Variants in KLK5 observed in about 807,000 individuals in gnomAD.
The protein encoded by KLK5 is kallikrein-5.
In KLK5, 18 loss-of-function variants were observed where a neutral mutation model predicts 24.0. That is an observed-to-expected ratio of 0.75 (90% CI 0.52 to 1.11). KLK5 has a LOEUF of 1.11. KLK5 is among the 50% of genes most tolerant of loss of function. The pLI is 0.00. For synonymous variants in KLK5, 140 were observed against 154.0 expected, an observed-to-expected ratio of 0.91 and a Z score of 0.67; for missense variants, 374 against 379.2, an observed-to-expected ratio of 0.99 and a Z score of 0.11.
chr19:50,943,771 G>GC lies in KLK5; in HGVS notation c.741dup (p.Pro248AlafsTer87), dbSNP rs759781166. On this transcript the variant is annotated frameshift_variant, in exon 6 of 6. Transcript: ENST00000336334. LOFTEE classifies it low-confidence loss of function (END_TRUNC). ...TGCAGGGAGCCATTGCAGACCACAG[G>GC]CCCCCCAGAATCACCCTGCAGGAGA... The GC allele has an allele frequency of 2.5e-6, 4 of 1,612,980 alleles. No homozygotes were observed. Among genetic ancestry groups the GC allele is most frequent in the Admixed American group, 1.7e-5 (1 of 59,928 alleles).
chr19:50,948,890 C>CACCA lies in KLK5; in HGVS notation c.557_560dup (p.Ser188GlyfsTer16). 1 of 1,614,100 alleles carries CACCA rather than the reference C, an allele frequency of 6.2e-7. No homozygotes were observed. Among genetic ancestry groups the CACCA allele is most frequent in the Non-Finnish European group, 8.5e-7 (1 of 1,180,020 alleles). ...GGCTCTTGGTTGTCCCCCAGCCAGA[C>CACCA]ACCAAGCACTTTGTCCCAGCAGAGG... On this transcript the variant is annotated frameshift_variant, in exon 4 of 6. Transcript: ENST00000336334. LOFTEE classifies it high-confidence loss of function.
intron 2 of KLK5, among the ~76,000 whole-genome samples, chr19:50,952,010 C>T (rs1215349537): frequency 6.6e-6 from 1 of 152,056 alleles, no homozygotes; most frequent in East Asian, 1.9e-4. Flanking sequence ...CACACAGTCA[C>T]ATACAGTCAC....
chr19:50,944,955 CCT>C (rs1279195839), intron 5 of KLK5, among the ~76,000 whole-genome samples: 1 of 151,898 alleles, frequency 6.6e-6, no homozygotes, highest in South Asian at 2.1e-4. Flanking sequence ...TTCCTTCCTT[CCT>C]CTCTCTTTTC....
At position 50,948,670 on chromosome 19, in the gene KLK5, G is replaced by A. The variant is rs140583552; in HGVS notation, c.696C>T (p.Ala232=). 3.1e-5 allele frequency: 50 copies of A among 1,613,992 alleles called. No individual in the cohort carries two copies. The highest frequency in any genetic ancestry group is 6.7e-5 in the African/African-American group (5 of 74,896). Residue 232 remains alanine, a synonymous_variant, in exon 5 of 6, where the codon GCC becomes GCT. Transcript: ENST00000336334. ...AGGAGTCTCTACCTGCTTTGTCACC[G>A]GCGCAGAACATGGTGTCATCTATCT... The part of the protein sequence containing the change: ...PRQIDDTMFC[A]GDKAGRDSCQ...
In KLK5 at chr19:50,943,641, G is replaced by T; in HGVS notation, c.872C>A (p.Ala291Asp). ...GAGTCCTGGGATGACTCAGGAGTTG[G>T]CCTGGATGGTTTCCTGGATCCACTT... Reference protein sequence around the residue: ...FTKWIQETIQANS With the variant: ...FTKWIQETIQDNS The change falls in exon 6 of 6, where the codon GCC becomes GAC. Residue 291 changes from alanine (A) to aspartate (D), a missense_variant. Coordinates refer to ENST00000336334, the MANE Select transcript of KLK5 (RefSeq NM_012427.5). 1 of 1,613,856 alleles carries T rather than the reference G, an allele frequency of 6.2e-7. No homozygotes were observed. The highest frequency in any genetic ancestry group is 8.5e-7 in the Non-Finnish European group (1 of 1,179,862).
At chr19:50,946,204 CAG>C (rs1291851416) in intron 5 of KLK5, among the ~76,000 whole-genome samples, 3 of 152,194 alleles carry the variant, frequency 2.0e-5, no homozygotes, top group African/African-American at 7.2e-5. Flanking sequence ...AATATCTCTG[CAG>C]AGTTTCTTTT....
At chr19:50,950,395 T>C (rs989404381) in intron 2 of KLK5, 9 of 493,698 alleles carry the variant, frequency 1.8e-5, no homozygotes, top group South Asian at 6.6e-5. Context: ...ACAGGATTCC[T>C]GGACAAGCTC....
At position 50,952,571 on chromosome 19, in the gene KLK5, A is replaced by G. The variant is rs1398005099; in HGVS notation, c.73+14T>C. On this transcript the variant is annotated intron_variant, in intron 2 of 5. Transcript: ENST00000336334. ...CCCAATCCCACAACCCTCCCACCCC[A>G]GAGTTCTGGTTACCTGTGACCCCCA... The G allele has an allele frequency of 2.0e-6, 3 of 1,522,044 alleles. No homozygotes were observed. The highest frequency in any genetic ancestry group is 1.7e-5 in the Admixed American group (1 of 57,192). 94.3% of individuals were successfully genotyped at this position (1,522,044 alleles called of 1,614,324 possible).
At chr19:50,952,689 G>T in intron 1 of KLK5, 21 bp from the exon 2 acceptor site, 1 of 1,557,264 alleles carries the variant, frequency 6.4e-7, no homozygotes, top group South Asian at 1.2e-5. Context: ...AATGTCAGAG[G>T]GTTGGGAGGC....
intron 2 of KLK5, 30 bp from the exon 3 acceptor site, chr19:50,950,146 TCA>T: frequency 6.7e-7 from 1 of 1,487,208 alleles, no homozygotes; most frequent in Non-Finnish European, 9.3e-7. Flanking sequence ...TGGGCGGGGC[TCA>T]GAGGCGGGGC....
At chr19:50,950,553 G>A (rs1176262805) in intron 2 of KLK5, among the ~76,000 whole-genome samples, 1 of 151,936 alleles carries the variant, frequency 6.6e-6, no homozygotes, top group African/African-American at 2.4e-5. Flanking sequence ...AATTGACTTA[G>A]TTAGGGCCAG....
At chr19:50,950,584 G>A (rs1304110656) in intron 2 of KLK5, among the ~76,000 whole-genome samples, 1 of 151,982 alleles carries the variant, frequency 6.6e-6, no homozygotes, top group African/African-American at 2.4e-5. Context: ...ACATGTTAGA[G>A]TCTCCTATAA....
chr19:50,949,794 T>TC, intron 3 of KLK5, 61 bp downstream of exon 3: 13 of 109,232 alleles, frequency 1.2e-4, no homozygotes, highest in Admixed American at 1.6e-4. Flanking sequence ...CACCCCCACT[T>TC]CCCCACCCCC....
In KLK5 at chr19:50,949,678, T is replaced by G. The variant is rs1049216189; in HGVS notation, c.335+177A>C. 8.4e-5 allele frequency among the ~76,000 whole-genome samples: 11 copies of G among 130,326 alleles called. No individual in the cohort carries two copies. In the Admixed American group the frequency reaches 8.9e-4, roughly 11 times the overall value. 85.5% of individuals were successfully genotyped at this position (130,326 alleles called of 152,430 possible). Reference sequence around the variant, plus strand: ...CCTTAGTCCTATCCCCAACTCGACCTCCTCCTGCTCCCACATCCCCAACCC... The same window carrying G: ...CCTTAGTCCTATCCCCAACTCGACCGCCTCCTGCTCCCACATCCCCAACCC... On this transcript the variant is annotated intron_variant, in intron 3 of 5. Coordinates refer to ENST00000336334, the MANE Select transcript of KLK5 (RefSeq NM_012427.5).
chr19:50,946,714 C>T (rs965563846), intron 5 of KLK5, among the ~76,000 whole-genome samples: 2 of 152,048 alleles, frequency 1.3e-5, no homozygotes, highest in South Asian at 2.1e-4. Flanking sequence ...CGCCTGCCAC[C>T]ACGCCCGGCT....
intron 5 of KLK5, among the ~76,000 whole-genome samples, chr19:50,945,324 T>C (rs1301395462): frequency 6.6e-6 from 1 of 151,456 alleles, no homozygotes; most frequent in Non-Finnish European, 1.5e-5. Context: ...CTTTATTGCC[T>C]GTCTTCCACT....
intron 2 of KLK5, 111 bp downstream of exon 2, chr19:50,952,474 G>T: frequency 1.5e-6 from 1 of 666,830 alleles, no homozygotes; most frequent in Non-Finnish European, 2.4e-6. Context: ...ACATTCACCC[G>T]GTCCCGGAGT....
In KLK5 at chr19:50,948,961, G is replaced by A. The variant is rs748294116; in HGVS notation, c.490C>T (p.Arg164Cys). ...ATGGGTCTGACATCTTTAGTGGGAC[G>A]AATTCTTCTGTTCAGTTTGATGAGC... ...LMLIKLNRRI[R>C]PTKDVRPINV... The change falls in exon 4 of 6, where the codon CGT becomes TGT. Residue 164 changes from arginine to cysteine, a missense_variant. Transcript: ENST00000336334. 8.7e-6 allele frequency: 14 copies of A among 1,613,908 alleles called. No homozygotes were observed. The highest frequency in any genetic ancestry group is 1.3e-5 in the African/African-American group (1 of 74,860).
Position 50,952,625 on chromosome 19 carries a change from C to T in KLK5, c.33G>A (p.Val11=). 1.2e-6 allele frequency: 2 copies of T among 1,605,734 alleles called. No homozygotes were observed. Among genetic ancestry groups the T allele is most frequent in the African/African-American group, 1.3e-5 (1 of 74,610 alleles). MATARPPWMW[V]LCALITALLL... Reference sequence around the variant, plus strand: ...GCAAGGCTGTGATCAGAGCACAGAGCACCCACATCCAGGGGGGTCTTGCTG... The same window carrying T: ...GCAAGGCTGTGATCAGAGCACAGAGTACCCACATCCAGGGGGGTCTTGCTG... Residue 11 remains valine, a synonymous_variant, in exon 2 of 6, where the codon GTG becomes GTA. Transcript: ENST00000336334.
Sources: gnomAD v4.1 joint callset for allele counts (sites outside exome capture counted in the v4.1 genomes callset) on GRCh38, gnomAD v4.1.1 for gene constraint, MANE v1.5 for transcripts, NCBI Gene and HGNC (gene_info 2026-07-23, HGNC 2026-07-21) for gene names.